The following MYO18B variants were observed in gnomAD, a reference collection of about 807,000 sequenced individuals.
MYO18B encodes myosin XVIIIB, also known as unconventional myosin-XVIIIb.
In MYO18B, 204 loss-of-function variants were observed where a neutral mutation model predicts 273.0. The ratio of observed to expected loss-of-function variants is 0.75; its 90% confidence interval spans 0.67 to 0.84. The LOEUF (loss-of-function observed/expected upper bound fraction) is 0.84, where lower values mean the gene tolerates loss of function less well. Among genes scored for constraint, MYO18B ranks in the 40% least tolerant of loss-of-function variants. The pLI is 0.00. For missense variants in MYO18B, 3,212 were observed against 3,287.6 expected (o/e 0.98, Z 0.56); for synonymous variants, 1,330 against 1,305.7 (o/e 1.02, Z -0.40).
chr22:25,923,853 A>G (rs2092383554), intron 34 of MYO18B, among the ~76,000 whole-genome samples: 1 of 152,194 alleles, frequency 6.6e-6, no homozygotes, highest in African/African-American at 2.4e-5. Flanking sequence ...GAAACCACAC[A>G]GAGATTTTGT....
At chr22:25,947,325 C>G (rs1343130623) in intron 35 of MYO18B, among the ~76,000 whole-genome samples, 2 of 152,040 alleles carry the variant, frequency 1.3e-5, no homozygotes, top group African/African-American at 4.8e-5. Context: ...TGTTTGTGGA[C>G]AGAACAAAGT....
rs118162186 is a variant in MYO18B at position 25,872,307 on chromosome 22, G to A, written c.3952-1979G>A. Reference sequence around the variant, plus strand: ...CCTTTGTTCCACCTGGAATCAAATTGCAGTTGAACCTCGCACTTCAAGTGC... The same window carrying A: ...CCTTTGTTCCACCTGGAATCAAATTACAGTTGAACCTCGCACTTCAAGTGC... On this transcript the variant is annotated intron_variant, in intron 22 of 43. Coordinates refer to ENST00000335473, the MANE Select transcript of MYO18B (RefSeq NM_032608.7). Among the ~76,000 whole-genome samples the A allele has an allele frequency of 8.9e-4, 136 of 152,298 alleles. 1 individual carries two copies. In the East Asian group the frequency reaches 0.024, roughly 27 times the overall value.
intron 22 of MYO18B, among the ~76,000 whole-genome samples, chr22:25,873,072 C>T (rs1306311330): frequency 6.6e-6 from 1 of 152,218 alleles, no homozygotes; most frequent in Admixed American, 6.5e-5. Context: ...TTGGCAGGAG[C>T]AGGCCTGGCC....
chr22:25,945,205 A>G, intron 34 of MYO18B, among the ~76,000 whole-genome samples: 1 of 152,132 alleles, frequency 6.6e-6, no homozygotes. Context: ...CCCACTTTTA[A>G]CCCTGAACCC....
At chr22:25,769,551 GA>G in intron 4 of MYO18B, 123 bp downstream of exon 4, 1 of 911,084 alleles carries the variant, frequency 1.1e-6, no homozygotes. Flanking sequence ...GGGAATTGGA[GA>G]GGGGTGGCTG....
chr22:25,990,644 GC>G (rs1044403152), intron 39 of MYO18B, among the ~76,000 whole-genome samples: 3 of 130,128 alleles, frequency 2.3e-5, no homozygotes, highest in Non-Finnish European at 4.6e-5. Flanking sequence ...CTGAGATCAT[GC>G]CACTGCACTC....
Position 26,004,529 on chromosome 22 carries a change from T to C in MYO18B, c.6333-189T>C, listed in dbSNP as rs8138160. Reference sequence around the variant, plus strand: ...ACCTTGGCCAAGACCCAAATTGGCCTCTCCAAATCTCAGTAATTCCATCTG... The same window carrying C: ...ACCTTGGCCAAGACCCAAATTGGCCCCTCCAAATCTCAGTAATTCCATCTG... On this transcript the variant is annotated intron_variant, in intron 41 of 43. Coordinates refer to ENST00000335473, the MANE Select transcript of MYO18B (RefSeq NM_032608.7). Among the ~76,000 whole-genome samples, 413 of 152,322 alleles carry C rather than the reference T, an allele frequency of 2.7e-3. 2 individuals carry two copies. Among genetic ancestry groups the C allele is most frequent in the African/African-American group, 9.2e-3 (384 of 41,568 alleles).
intron 34 of MYO18B, among the ~76,000 whole-genome samples, chr22:25,937,086 A>AC (rs1555954668): frequency 6.0e-5 from 9 of 149,660 alleles, no homozygotes; most frequent in Non-Finnish European, 8.9e-5. Flanking sequence ...ATTCAGGAAG[A>AC]TTTTTTTTTT....
rs536016148 is a variant in MYO18B, at chr22:25,903,130, G to A, written c.4947+394G>A. On this transcript the variant is annotated intron_variant, in intron 30 of 43. Transcript: ENST00000335473. ...TCACTCAGCTGCTCCTCATCCTTTT[G>A]TGGTTCTCTACTACTCGCAGGAGAA... The A allele has an allele frequency of 2.1e-4, 43 of 203,596 alleles. No homozygotes were observed. The South Asian group carries it at 3.4e-3, about 16-fold the overall frequency. The allele number at this position is 203,596 out of a possible 1,614,324, so 12.6% of individuals were successfully genotyped here. A position where few individuals can be genotyped will look rare whatever the true frequency, so the allele number is the denominator to read the frequency against.
intron 9 of MYO18B, 55 bp from the exon 10 acceptor site, chr22:25,781,679 G>C: frequency 8.6e-7 from 1 of 1,163,844 alleles, no homozygotes; most frequent in Middle Eastern, 2.4e-4. Context: ...TGCACTTCAG[G>C]CATGTGCAGA....
At chr22:25,949,268 C>G (rs1172499073) in intron 36 of MYO18B, among the ~76,000 whole-genome samples, 6 of 152,134 alleles carry the variant, frequency 3.9e-5, no homozygotes, top group African/African-American at 1.4e-4. Flanking sequence ...CCTGGAGGTG[C>G]TCAGTAAATC....
At chr22:25,791,243 C>T (rs528312391) in intron 11 of MYO18B, among the ~76,000 whole-genome samples, 11 of 152,268 alleles carry the variant, frequency 7.2e-5, no homozygotes, top group Admixed American at 3.9e-4. Context: ...AGCTGCCTGG[C>T]GGAGGCAACC....
chr22:25,818,344 G>A (rs2089128833), intron 12 of MYO18B, among the ~76,000 whole-genome samples: 1 of 152,136 alleles, frequency 6.6e-6, no homozygotes, highest in South Asian at 2.1e-4. Flanking sequence ...GCTTTGCAAA[G>A]AGCTGATGGT....
chr22:25,855,209 T>C (rs2090531605), intron 21 of MYO18B, among the ~76,000 whole-genome samples: 1 of 152,184 alleles, frequency 6.6e-6, no homozygotes, highest in Non-Finnish European at 1.5e-5. Context: ...TATTTGGTTT[T>C]CTGTTCCTGC....
At chr22:25,770,073 C>T in intron 4 of MYO18B, 37 bp from the exon 5 acceptor site, 2 of 1,606,668 alleles carry the variant, frequency 1.2e-6, no homozygotes, top group Non-Finnish European at 1.7e-6. Context: ...GCAGCGGTGC[C>T]ATTTGCTGGT....
intron 11 of MYO18B, 66 bp downstream of exon 11, chr22:25,785,557 A>C: frequency 6.6e-7 from 1 of 1,518,592 alleles, no homozygotes; most frequent in Non-Finnish European, 9.0e-7. Context: ...GAGGGTGATG[A>C]GTCGCCGTGC....
At chr22:25,942,059 G>A (rs568903818) in intron 34 of MYO18B, among the ~76,000 whole-genome samples, 1 of 152,324 alleles carries the variant, frequency 6.6e-6, no homozygotes, top group South Asian at 2.1e-4. Context: ...GCCAGACACT[G>A]TGTAAGCACT....
chr22:25,782,150 G>T (rs181446819), intron 10 of MYO18B, among the ~76,000 whole-genome samples: 1 of 151,300 alleles, frequency 6.6e-6, no homozygotes, highest in Non-Finnish European at 1.5e-5. Flanking sequence ...CCTGAGCCTC[G>T]GTTTCTTCCT....
chr22:26,033,835 T>G (rs1241586677), downstream of MYO18B, among the ~76,000 whole-genome samples: 1 of 112,652 alleles, frequency 8.9e-6, no homozygotes, highest in Non-Finnish European at 1.7e-5. Context: ...CTTCCTTCTT[T>G]CTTTCTTTCC....
Sources: allele counts gnomAD v4.1 joint callset (sites outside exome capture counted in the v4.1 genomes callset), GRCh38; gene constraint gnomAD v4.1.1; transcripts MANE v1.5; gene names NCBI Gene and HGNC (gene_info 2026-07-23, HGNC 2026-07-21).